Variants in DENND5A observed in about 807,000 individuals in gnomAD.
DENND5A encodes DENN domain containing 5A, also known as DENN domain-containing protein 5A.
DENND5A carries 64 observed loss-of-function variants against 140.3 expected under a neutral mutation model. The observed-to-expected ratio is 0.46, with a 90% confidence interval of 0.37 to 0.56. The LOEUF (loss-of-function observed/expected upper bound fraction) is 0.56. DENND5A is among the 20% of genes least tolerant of loss of function. DENND5A has a pLI of 0.00. For missense variants in DENND5A, 1,292 were observed against 1,593.8 expected (o/e 0.81, Z 3.22); for synonymous variants, 605 against 607.7 (o/e 1.00, Z 0.07).
At chr11:9,223,648 G>A (rs777188815) in intron 1 of DENND5A, among the ~76,000 whole-genome samples, 12 of 152,098 alleles carry the variant, frequency 7.9e-5, no homozygotes, top group Non-Finnish European at 1.3e-4. Flanking sequence ...GAGCCAGGGA[G>A]ACTGAGGCTA....
intron 1 of DENND5A, among the ~76,000 whole-genome samples, chr11:9,220,927 C>T (rs1850287485): frequency 6.7e-6 from 1 of 149,500 alleles, no homozygotes; most frequent in Non-Finnish European, 1.5e-5. Flanking sequence ...CACACACACA[C>T]ATAAATTAGC....
chr11:9,252,287 C>T (rs1240577006), intron 1 of DENND5A, among the ~76,000 whole-genome samples: 1 of 135,478 alleles, frequency 7.4e-6, no homozygotes, highest in Non-Finnish European at 1.6e-5. Context: ...CAGAGCAAGA[C>T]TCCGTCTCAA....
At chr11:9,148,593 G>A (rs1847507118) in intron 15 of DENND5A, among the ~76,000 whole-genome samples, 1 of 152,166 alleles carries the variant, frequency 6.6e-6, no homozygotes, top group Admixed American at 6.5e-5. Context: ...CCTGTATGTG[G>A]GAGATAAAGC....
chr11:9,212,731 G>A (rs1329895558), intron 1 of DENND5A, among the ~76,000 whole-genome samples: 3 of 152,068 alleles, frequency 2.0e-5, no homozygotes, highest in Admixed American at 6.6e-5. Context: ...ACATTTTCAG[G>A]CAAAACAGAG....
intron 1 of DENND5A, among the ~76,000 whole-genome samples, chr11:9,248,274 C>T (rs949755937): frequency 1.3e-5 from 2 of 152,120 alleles, no homozygotes; most frequent in East Asian, 1.9e-4. Context: ...TGAGCCACAG[C>T]GCCCAGCTGG....
At position 9,164,056 on chromosome 11, in the gene DENND5A, G is replaced by GTTTTTT. The variant is rs768604681; in HGVS notation, c.2283+1774_2283+1779dup. Among the ~76,000 whole-genome samples, 540 of 57,972 alleles carry GTTTTTT rather than the reference G, an allele frequency of 9.3e-3. 100 individuals are homozygous for GTTTTTT. Among genetic ancestry groups the GTTTTTT allele is most frequent in the Non-Finnish European group, 0.01 (326 of 31,394 alleles). The allele number at this position is 57,972 out of a possible 152,430, so 38.0% of individuals were successfully genotyped here. A position where few individuals can be genotyped will look rare whatever the true frequency, so the allele number is the denominator to read the frequency against. ...ATATCAGTACTGATATATTAATCAG[G>GTTTTTT]TTTTTTTTTTTTTTTTTTTTTTTTT... is the stretch of plus-strand genomic sequence containing the variant. On this transcript the variant is annotated intron_variant, in intron 11 of 22. Coordinates refer to ENST00000328194, the MANE Select transcript of DENND5A (RefSeq NM_015213.4).
intron 21 of DENND5A, among the ~76,000 whole-genome samples, chr11:9,142,366 T>G (rs941878549): frequency 6.6e-6 from 1 of 152,216 alleles, no homozygotes; most frequent in Admixed American, 6.5e-5. Flanking sequence ...CTGAGGATGG[T>G]TTCTTGCATG....
intron 1 of DENND5A, among the ~76,000 whole-genome samples, chr11:9,225,499 G>A (rs1415676596): frequency 2.0e-5 from 3 of 152,166 alleles, no homozygotes; most frequent in African/African-American, 2.4e-5. Context: ...GGTGGCTCAC[G>A]CCTGTAATCC....
Position 9,178,853 on chromosome 11 carries a change from C to G in DENND5A, c.1671+5G>C, listed in dbSNP as rs761524664. On this transcript the variant is annotated splice_donor_5th_base_variant and intron_variant, in intron 7 of 22. Coordinates refer to ENST00000328194, the MANE Select transcript of DENND5A (RefSeq NM_015213.4). ...TCACCACCTCCCAAGCAGGATTACA[C>G]TCACTTTATCAAAGTTTTGCATTTG... is the stretch of plus-strand genomic sequence containing the variant. 1 of 1,612,630 alleles carries G rather than the reference C, an allele frequency of 6.2e-7. No homozygotes were observed. The highest frequency in any genetic ancestry group is 8.5e-7 in the Non-Finnish European group (1 of 1,178,764).
chr11:9,178,105 G>C, intron 8 of DENND5A, 27 bp downstream of exon 8: 1 of 1,464,232 alleles, frequency 6.8e-7, no homozygotes, highest in Non-Finnish European at 9.6e-7. Flanking sequence ...CAAGAGGCCT[G>C]AATGTACATT....
intron 1 of DENND5A, among the ~76,000 whole-genome samples, chr11:9,262,473 C>T (rs1228112266): frequency 6.6e-6 from 1 of 152,118 alleles, no homozygotes; most frequent in African/African-American, 2.4e-5. Context: ...TAAAGACCTC[C>T]AGCCAGGCCA....
At chr11:9,169,747 G>A in intron 10 of DENND5A, 109 bp downstream of exon 10, 2 of 708,022 alleles carry the variant, frequency 2.8e-6, no homozygotes, top group African/African-American at 1.8e-5. Flanking sequence ...TTTATGGGGT[G>A]AGGTCATTGC....
intron 4 of DENND5A, among the ~76,000 whole-genome samples, chr11:9,196,355 G>A (rs537682951): frequency 1.3e-5 from 2 of 152,110 alleles, no homozygotes; most frequent in African/African-American, 4.8e-5. Flanking sequence ...ACGTATTTAT[G>A]AACAATTATA....
chr11:9,161,393 A>G (rs564296241), intron 11 of DENND5A, among the ~76,000 whole-genome samples: 1 of 152,298 alleles, frequency 6.6e-6, no homozygotes, highest in African/African-American at 2.4e-5. Context: ...GAACACAGCA[A>G]TCTTTATGAC....
At chr11:9,170,815 CACAT>C in intron 8 of DENND5A, 38 bp from the exon 9 acceptor site, 2 of 1,590,608 alleles carry the variant, frequency 1.3e-6, no homozygotes, top group African/African-American at 1.4e-5. Flanking sequence ...CACACACACA[CACAT>C]AAATACACAC....
At position 9,213,115 on chromosome 11, in the gene DENND5A, T is replaced by C. The variant is rs1408507942; in HGVS notation, c.110-5483A>G. The stretch of plus-strand genomic sequence containing the variant: ...ACCTCCCAGGTTCAAGTGATTCTCC[T>C]TCCTCGGCCTCCCGAGTAGCTGGGA... On this transcript the variant is annotated intron_variant, in intron 1 of 22. Transcript: ENST00000328194. Among the ~76,000 whole-genome samples the C allele has an allele frequency of 2.6e-5, 4 of 151,762 alleles. No individual in the cohort carries two copies. In the East Asian group the frequency reaches 7.8e-4, roughly 30 times the overall value.
intron 20 of DENND5A, 43 bp from the exon 21 acceptor site, chr11:9,142,888 G>A (rs1173235046): frequency 2.2e-5 from 35 of 1,607,220 alleles, no homozygotes; most frequent in East Asian, 4.5e-5. Flanking sequence ...TGTCTCAGCC[G>A]AGCTGCCCTC....
At chr11:9,141,376 T>C (rs945966044) in intron 22 of DENND5A, among the ~76,000 whole-genome samples, 1 of 152,204 alleles carries the variant, frequency 6.6e-6, no homozygotes, top group Non-Finnish European at 1.5e-5. Flanking sequence ...TGTTGCTTAA[T>C]GACAGGGATA....
intron 5 of DENND5A, among the ~76,000 whole-genome samples, chr11:9,189,568 A>T (rs1235406075): frequency 6.6e-6 from 1 of 151,106 alleles, no homozygotes; most frequent in South Asian, 2.1e-4. Flanking sequence ...ACAGGGGTGG[A>T]GCAGCCCAAG....
Sources: gnomAD v4.1 joint callset for allele counts (sites outside exome capture counted in the v4.1 genomes callset) on GRCh38, gnomAD v4.1.1 for gene constraint, MANE v1.5 for transcripts, NCBI Gene and HGNC (gene_info 2026-07-23, HGNC 2026-07-21) for gene names.